Variants in VSIG1 observed in about 807,000 individuals in gnomAD.
VSIG1 encodes the protein V-set and immunoglobulin domain-containing protein 1.
A neutral mutation model predicts 20.1 loss-of-function variants in VSIG1; 11 were observed. That is an observed-to-expected ratio of 0.55 (90% CI 0.34 to 0.91). VSIG1 has a LOEUF of 0.91. Ranked by LOEUF, VSIG1 falls within the 40% of genes least tolerant of loss-of-function variation. The pLI, the probability that VSIG1 is intolerant of heterozygous loss-of-function variation, is 0.02. For synonymous variants in VSIG1, 126 were observed against 116.7 expected, an observed-to-expected ratio of 1.08 and a Z score of -0.52; for missense variants, 283 against 298.8, an observed-to-expected ratio of 0.95 and a Z score of 0.39.
chrX:108,051,807 A>G (rs1277252534), intron 1 of VSIG1, among the ~76,000 whole-genome samples: 1 of 112,291 alleles, frequency 8.9e-6, no homozygotes, highest in Non-Finnish European at 1.9e-5. Context: ...ATAAAAATAT[A>G]AGAAAGAAGG....
rs2031377190 is a variant in VSIG1, at chrX:108,077,573, C to T, written c.*192C>T. On this transcript the variant is annotated 3_prime_UTR_variant, in exon 7 of 7. Coordinates refer to ENST00000217957, the MANE Select transcript of VSIG1 (RefSeq NM_182607.5). ...TAAATCAGCAAGGGTTCCTGTATTA[C>T]CAATATAGAATACTAACAATTTTAC... 2.3e-6 allele frequency: 1 copy of T among 442,449 alleles called. No individual in the cohort carries two copies. The highest frequency in any genetic ancestry group is 2.4e-5 in the African/African-American group (1 of 41,309). 36.5% of individuals were successfully genotyped at this position (442,449 alleles called of 1,213,427 possible).
At chrX:108,029,943 C>T in the VSIG1 span, among the ~76,000 whole-genome samples, 4 of 111,777 alleles carry the variant, frequency 3.6e-5, no homozygotes, top group Non-Finnish European at 7.5e-5. Context: ...AGAGAGACAG[C>T]TGAGGTTGTT....
rs1427714981 is a variant in VSIG1, at chrX:108,066,958, A to G, written c.236A>G (p.Gln79Arg). ...PISIYFSQGG[Q>R]AVAIGQFKDR... ...TAGATTTACTTTTCTCAAGGTGGAC[A>G]AGCTGTAGCCATCGGGCAATTTAAA... The change falls in exon 3 of 7, where the codon CAA becomes CGA. Residue 79 changes from glutamine to arginine, a missense_variant. Coordinates refer to ENST00000217957, the MANE Select transcript of VSIG1 (RefSeq NM_182607.5). The G allele has an allele frequency of 2.5e-6, 3 of 1,209,670 alleles. No individual in the cohort carries two copies. The highest frequency in any genetic ancestry group is 3.5e-5 in the African/African-American group (2 of 57,148).
the VSIG1 span, among the ~76,000 whole-genome samples, chrX:108,037,039 G>C: frequency 6.3e-5 from 7 of 111,751 alleles, no homozygotes; most frequent in African/African-American, 2.3e-4. Context: ...AATTTGAAGT[G>C]CCAGGGGGAT....
the VSIG1 span, among the ~76,000 whole-genome samples, chrX:108,027,596 T>C: frequency 8.9e-6 from 1 of 111,982 alleles, no homozygotes; most frequent in African/African-American, 3.2e-5. Flanking sequence ...TTGTAAAACA[T>C]GAAAAACCAT....
At chrX:108,040,222 C>A (rs995447748), upstream of VSIG1, among the ~76,000 whole-genome samples, 6 of 111,356 alleles carry the variant, frequency 5.4e-5, no homozygotes, top group African/African-American at 2.0e-4. Context: ...TGTAAACAAG[C>A]AATTCACAGG....
intron 2 of VSIG1, among the ~76,000 whole-genome samples, chrX:108,061,706 G>T (rs902672680): frequency 1.8e-5 from 2 of 110,353 alleles, no homozygotes; most frequent in African/African-American, 6.6e-5. Context: ...TCACATCCAT[G>T]TCTGGAGTTC....
the VSIG1 span, among the ~76,000 whole-genome samples, chrX:108,032,949 C>T: frequency 9.0e-6 from 1 of 111,377 alleles, no homozygotes; most frequent in Non-Finnish European, 1.9e-5. Flanking sequence ...AACAGCTTTC[C>T]CTACAGATAG....
chrX:108,032,495 C>T, the VSIG1 span, among the ~76,000 whole-genome samples: 1 of 111,445 alleles, frequency 9.0e-6, no homozygotes, highest in African/African-American at 3.3e-5. Context: ...ACAGTATGTA[C>T]TGTAATGTAA....
At chrX:108,060,147 T>A (rs977078443) in intron 2 of VSIG1, among the ~76,000 whole-genome samples, 5 of 111,079 alleles carry the variant, frequency 4.5e-5, no homozygotes, top group Admixed American at 9.5e-5. Context: ...GAAGCACTTT[T>A]AAAAAAAAAT....
chrX:108,020,298 G>A, the VSIG1 span, among the ~76,000 whole-genome samples: 202 of 111,202 alleles, frequency 1.8e-3, 1 homozygote, highest in Non-Finnish European at 4.9e-4. Context: ...ATTGGAAGCC[G>A]CTAATAAATT....
In VSIG1 at chrX:108,067,910, C is replaced by T. The variant is rs189631131; in HGVS notation, c.412+776C>T. Among the ~76,000 whole-genome samples the T allele has an allele frequency of 1.9e-3, 213 of 112,068 alleles. 1 individual carries two copies. Among genetic ancestry groups the T allele is most frequent in the Admixed American group, 8.9e-3 (94 of 10,585 alleles). On this transcript the variant is annotated intron_variant, in intron 3 of 6. Coordinates refer to ENST00000217957, the MANE Select transcript of VSIG1 (RefSeq NM_182607.5). Reference sequence around the variant, plus strand: ...GCAAGGGATGAAAGGGCTGCCAATCCTCAACTCTTACAGACAGACCAGTTG... The same window carrying T: ...GCAAGGGATGAAAGGGCTGCCAATCTTCAACTCTTACAGACAGACCAGTTG...
chrX:108,023,391 A>C, the VSIG1 span, among the ~76,000 whole-genome samples: 1 of 112,095 alleles, frequency 8.9e-6, no homozygotes, highest in Non-Finnish European at 1.9e-5. Flanking sequence ...CTATATTCAT[A>C]AGGAGTTTTG....
chrX:108,025,715 G>A, the VSIG1 span, among the ~76,000 whole-genome samples: 3 of 112,526 alleles, frequency 2.7e-5, no homozygotes, highest in African/African-American at 9.6e-5. Flanking sequence ...AATACCATTG[G>A]CACTTTACAT....
intron 5 of VSIG1, 51 bp downstream of exon 5, chrX:108,073,420 G>C: frequency 8.5e-7 from 1 of 1,175,604 alleles, no homozygotes; most frequent in Non-Finnish European, 1.1e-6. Context: ...AAGTAGTCTG[G>C]GCCTGTCAGA....
At position 108,077,359 on chromosome X, in the gene VSIG1, A is replaced by G. The variant is rs1331665831; in HGVS notation, c.1142A>G (p.Glu381Gly). ...GTAGTTGAGCCCTTAAGTGAAGATG[A>G]AAAGGGAGTGGTTAAGGCATAGGCT... ...GVVVEPLSED[E>G]KGVVKA is the part of the protein sequence containing the mutation. Residue 381 changes from glutamate (E) to glycine (G), a missense_variant, in exon 7 of 7, where the codon GAA becomes GGA. Physicochemically the swap from Glu to Gly is moderately conservative, Grantham distance 98. Coordinates refer to ENST00000217957, the MANE Select transcript of VSIG1 (RefSeq NM_182607.5). The G allele has an allele frequency of 8.3e-7, 1 of 1,211,761 alleles. No homozygotes were observed.
At chrX:108,028,577 AG>A in the VSIG1 span, among the ~76,000 whole-genome samples, 1 of 111,051 alleles carries the variant, frequency 9.0e-6, no homozygotes, top group Non-Finnish European at 1.9e-5. Flanking sequence ...AAGTGAATAG[AG>A]GACTTAAGAG....
At chrX:108,051,217 C>T (rs776964313) in intron 1 of VSIG1, among the ~76,000 whole-genome samples, 59 of 111,016 alleles carry the variant, frequency 5.3e-4, no homozygotes, top group Non-Finnish European at 1.0e-3. Flanking sequence ...TGATGGCAAG[C>T]GGCCCAGTCT....
At position 108,048,001 on chromosome X, in the gene VSIG1, T is replaced by TATATAC. The variant is rs1555980440; in HGVS notation, c.49+2823_49+2824insTATACA. On this transcript the variant is annotated intron_variant, in intron 1 of 6. Coordinates refer to ENST00000217957, the MANE Select transcript of VSIG1 (RefSeq NM_182607.5). ...ATATATATATATATATATATATATA[T>TATATAC]ACACATATATATATTCTTTTGAGAC... Among the ~76,000 whole-genome samples the TATATAC allele has an allele frequency of 4.2e-4, 25 of 59,533 alleles. 1 individual carries two copies. Among genetic ancestry groups the TATATAC allele is most frequent in the African/African-American group, 6.9e-4 (9 of 13,040 alleles). 51.7% of individuals were successfully genotyped at this position (59,533 alleles called of 115,157 possible). A position where few individuals can be genotyped will look rare whatever the true frequency, so the allele number is the denominator to read the frequency against.
Sources: gnomAD v4.1 joint callset for allele counts (sites outside exome capture counted in the v4.1 genomes callset) on GRCh38, gnomAD v4.1.1 for gene constraint, MANE v1.5 for transcripts, NCBI Gene and HGNC (gene_info 2026-07-23, HGNC 2026-07-21) for gene names.